Variants in TRPS1 observed in about 807,000 individuals in gnomAD.
TRPS1 encodes zinc finger transcription factor Trps1.
TRPS1 carries 6 observed loss-of-function variants against 101.2 expected under a neutral mutation model. The observed-to-expected ratio is 0.06, with a 90% CI of 0.03 to 0.12. The LOEUF (loss-of-function observed/expected upper bound fraction) is 0.12. Ranked by LOEUF, TRPS1 falls within the 10% of genes least tolerant of loss-of-function variation. TRPS1 has a pLI of 1.00. For synonymous variants in TRPS1, 578 were observed against 589.8 expected (o/e 0.98, Z 0.29); for missense variants, 1,363 against 1,567.0 (o/e 0.87, Z 2.20).
intron 1 of TRPS1, among the ~76,000 whole-genome samples, chr8:115,658,774 C>T (rs1010907296): frequency 6.6e-6 from 1 of 151,922 alleles, no homozygotes; most frequent in Non-Finnish European, 1.5e-5. Context: ...ATGTGTAACA[C>T]TAAATGTACA....
intron 5 of TRPS1, among the ~76,000 whole-genome samples, chr8:115,441,791 G>A (rs1472197314): frequency 6.6e-6 from 1 of 151,268 alleles, no homozygotes; most frequent in African/African-American, 2.4e-5. Flanking sequence ...GGAAAATAAT[G>A]AAAAATGGCC....
chr8:115,413,960 A>T lies in TRPS1; in HGVS notation c.*63T>A. The T allele has an allele frequency of 6.5e-7, 1 of 1,531,864 alleles. No homozygotes were observed. The highest frequency in any genetic ancestry group is 9.0e-7 in the Non-Finnish European group (1 of 1,116,760). The allele number at this position is 1,531,864 out of a possible 1,614,324, so 94.9% of individuals were successfully genotyped here. The stretch of plus-strand genomic sequence containing the variant: ...TTTTAATAGGTCTTCATAAGACATT[A>T]CAAGCTATTGAATTCCCATCAAGAA... On this transcript the variant is annotated 3_prime_UTR_variant, in exon 7 of 7. Transcript: ENST00000395715.
intron 5 of TRPS1, among the ~76,000 whole-genome samples, chr8:115,446,062 C>T (rs1270830267): frequency 6.6e-6 from 1 of 151,924 alleles, no homozygotes; most frequent in South Asian, 2.1e-4. Flanking sequence ...CTGTGAAATG[C>T]ACCATTTTGG....
At chr8:115,514,099 T>C (rs993395682) in intron 5 of TRPS1, among the ~76,000 whole-genome samples, 1 of 151,756 alleles carries the variant, frequency 6.6e-6, no homozygotes, top group Non-Finnish European at 1.5e-5. Context: ...GAAATGCCTA[T>C]TGCAGGACAT....
intron 5 of TRPS1, among the ~76,000 whole-genome samples, chr8:115,471,737 G>A (rs945789729): frequency 2.0e-5 from 3 of 152,182 alleles, no homozygotes; most frequent in African/African-American, 7.2e-5. Flanking sequence ...TGGAGGTGTA[G>A]CCATTGGGTA....
At chr8:115,582,455 C>A (rs1056243409) in intron 5 of TRPS1, among the ~76,000 whole-genome samples, 7 of 152,192 alleles carry the variant, frequency 4.6e-5, no homozygotes, top group African/African-American at 1.7e-4. Context: ...AAATAACATT[C>A]TCATTGTACT....
chr8:115,525,994 C>G (rs186408577), intron 5 of TRPS1, among the ~76,000 whole-genome samples: 97 of 152,122 alleles, frequency 6.4e-4, no homozygotes, highest in African/African-American at 2.0e-3. Context: ...TACTGTTGGG[C>G]AATAAATTAT....
chr8:115,515,388 G>T (rs1815684943), intron 5 of TRPS1: 1 of 608,632 alleles, frequency 1.6e-6, no homozygotes, highest in African/African-American at 1.9e-5. Context: ...TGTGCATTTT[G>T]CCATGAAATA....
At chr8:115,643,481 C>T (rs1011341221) in intron 1 of TRPS1, among the ~76,000 whole-genome samples, 5 of 152,202 alleles carry the variant, frequency 3.3e-5, no homozygotes, top group African/African-American at 9.6e-5. Flanking sequence ...ACTTTCTTTG[C>T]TTATCTTTAA....
chr8:115,666,692 G>C (rs1182896390), intron 1 of TRPS1, among the ~76,000 whole-genome samples: 2 of 152,158 alleles, frequency 1.3e-5, no homozygotes, highest in Non-Finnish European at 2.9e-5. Context: ...AGATCCATAG[G>C]TTTTAGCTTC....
At chr8:115,428,465 T>A (rs970674679) in intron 5 of TRPS1, among the ~76,000 whole-genome samples, 3 of 152,234 alleles carry the variant, frequency 2.0e-5, no homozygotes, top group African/African-American at 7.2e-5. Context: ...ACAAGTCAGA[T>A]GTTAAAACGC....
chr8:115,639,760 C>T (rs975946945), intron 1 of TRPS1, among the ~76,000 whole-genome samples: 3 of 152,046 alleles, frequency 2.0e-5, no homozygotes, highest in African/African-American at 4.8e-5. Flanking sequence ...GCTTGGGAGG[C>T]AGAGGTCGCA....
chr8:115,557,688 A>G (rs1306040743), intron 5 of TRPS1, among the ~76,000 whole-genome samples: 1 of 152,160 alleles, frequency 6.6e-6, no homozygotes, highest in African/African-American at 2.4e-5. Context: ...TGAGTCAATG[A>G]CACCTCTTTC....
At chr8:115,494,347 A>G (rs1815099220) in intron 5 of TRPS1, among the ~76,000 whole-genome samples, 1 of 152,206 alleles carries the variant, frequency 6.6e-6, no homozygotes, top group Non-Finnish European at 1.5e-5. Flanking sequence ...GCATTCATTA[A>G]AAATAGTATT....
chr8:115,667,747 A>C (rs1274551393), intron 1 of TRPS1: 2 of 1,299,934 alleles, frequency 1.5e-6, no homozygotes, highest in Non-Finnish European at 2.1e-6. Flanking sequence ...AAGGGAAAAA[A>C]GTTTGAAGCC....
intron 4 of TRPS1, among the ~76,000 whole-genome samples, chr8:115,600,982 C>A (rs1433848583): frequency 6.6e-6 from 1 of 152,078 alleles, no homozygotes; most frequent in African/African-American, 2.4e-5. Flanking sequence ...CTGTTGCTGA[C>A]TAGATCATGT....
rs571198294 is a variant in TRPS1 at position 115,528,144 on chromosome 8, TACA to T, written c.2700+58854_2700+58856del. ...TTAAATAGTCACCATAAAAGACTGATACAACCTTTCTGGGAAAGTAAAACTGAA... is the reference window on the plus strand; with the variant it reads ...TTAAATAGTCACCATAAAAGACTGATACCTTTCTGGGAAAGTAAAACTGAA... On this transcript the variant is annotated intron_variant, in intron 5 of 6. Coordinates refer to ENST00000395715, the MANE Select transcript of TRPS1 (RefSeq NM_014112.5). Among the ~76,000 whole-genome samples, 330 of 152,238 alleles carry T rather than the reference TACA, an allele frequency of 2.2e-3. 1 individual carries two copies. Among genetic ancestry groups the T allele is most frequent in the Middle Eastern group, 6.8e-3 (2 of 294 alleles).
At chr8:115,499,751 AAATT>A (rs1815254888) in intron 5 of TRPS1, among the ~76,000 whole-genome samples, 1 of 152,204 alleles carries the variant, frequency 6.6e-6, no homozygotes, top group Non-Finnish European at 1.5e-5. Context: ...TAGGTTTAAA[AAATT>A]AATAAACAGA....
At chr8:115,581,812 A>G (rs1817458462) in intron 5 of TRPS1, among the ~76,000 whole-genome samples, 1 of 152,204 alleles carries the variant, frequency 6.6e-6, no homozygotes, top group South Asian at 2.1e-4. Flanking sequence ...CATGGATTGT[A>G]TTTTTAAAAT....
Sources: gnomAD v4.1 joint callset for allele counts (sites outside exome capture counted in the v4.1 genomes callset) on GRCh38, gnomAD v4.1.1 for gene constraint, MANE v1.5 for transcripts, NCBI Gene and HGNC (gene_info 2026-07-23, HGNC 2026-07-21) for gene names.